GLG1: variants seen among roughly 807,000 people sequenced by gnomAD.
The protein encoded by GLG1 is Golgi apparatus protein 1.
In GLG1, 38 loss-of-function variants were observed where a neutral mutation model predicts 160.5. The observed-to-expected ratio is 0.24, with a 90% CI of 0.18 to 0.31. GLG1 has a LOEUF of 0.31. Among genes scored for constraint, GLG1 ranks in the 10% least tolerant of loss-of-function variants. The pLI is 1.00. For missense variants in GLG1, 1,373 were observed against 1,505.2 expected (o/e 0.91, Z 1.45); for synonymous variants, 644 against 543.4 (o/e 1.19, Z -2.57).
At chr16:74,501,783 C>T (rs2016412413) in intron 4 of GLG1, among the ~76,000 whole-genome samples, 1 of 152,200 alleles carries the variant, frequency 6.6e-6, no homozygotes, top group South Asian at 2.1e-4. Context: ...GTCAGAAGAG[C>T]TTCCTGAATC....
At chr16:74,536,540 G>A (rs2017692494) in intron 1 of GLG1, among the ~76,000 whole-genome samples, 1 of 152,138 alleles carries the variant, frequency 6.6e-6, no homozygotes, top group Admixed American at 6.5e-5. Context: ...AATCAAACAA[G>A]CAAGAGGAGG....
Position 74,451,907 on chromosome 16 carries a change from C to CT in GLG1, c.*1259dup, listed in dbSNP as rs1315753794. On this transcript the variant is annotated 3_prime_UTR_variant, in exon 26 of 26. Coordinates refer to ENST00000422840, the MANE Select transcript of GLG1 (RefSeq NM_001145667.2). ...CCAAAATACAACATTTAGCCAATGC[C>CT]TACTAGAGTGGGTACACGCAGCAAA... 1.6e-6 allele frequency: 1 copy of CT among 644,174 alleles called. No individual in the cohort carries two copies. Among genetic ancestry groups the CT allele is most frequent in the Admixed American group, 2.6e-5 (1 of 38,370 alleles). 39.9% of individuals were successfully genotyped at this position (644,174 alleles called of 1,614,324 possible).
chr16:74,504,774 A>C (rs2016536557), intron 3 of GLG1, among the ~76,000 whole-genome samples: 1 of 152,218 alleles, frequency 6.6e-6, no homozygotes, highest in African/African-American at 2.4e-5. Flanking sequence ...TGGATGGTTT[A>C]GACATATGAT....
intron 19 of GLG1, among the ~76,000 whole-genome samples, chr16:74,464,992 C>T (rs898976883): frequency 6.6e-6 from 1 of 152,166 alleles, no homozygotes; most frequent in Non-Finnish European, 1.5e-5. Context: ...GCATGTGCCA[C>T]CACACCCGGC....
chr16:74,455,736 A>G lies in GLG1; in HGVS notation c.3372+913T>C, dbSNP rs79823025. On this transcript the variant is annotated intron_variant, in intron 25 of 25. Transcript: ENST00000422840. ...GGCCACTGCAGATGTCTATCCCAAT[A>G]TGAGTCAATACAAAAGCATGGCTCT... Among the ~76,000 whole-genome samples, 457 of 152,332 alleles carry G rather than the reference A, an allele frequency of 3.0e-3. 2 individuals carry two copies. The highest frequency in any genetic ancestry group is 0.017 in the Middle Eastern group (5 of 294).
intron 1 of GLG1, among the ~76,000 whole-genome samples, chr16:74,585,194 G>T (rs139612669): frequency 2.9e-3 from 439 of 152,186 alleles, no homozygotes; most frequent in Non-Finnish European, 4.7e-3. Flanking sequence ...GATCACCTGA[G>T]CTCAGGAGTT....
At chr16:74,569,453 A>G (rs1406553042) in intron 1 of GLG1, among the ~76,000 whole-genome samples, 1 of 152,208 alleles carries the variant, frequency 6.6e-6, no homozygotes, top group Non-Finnish European at 1.5e-5. Context: ...ATCAACTGTC[A>G]TTCACAAACC....
chr16:74,591,755 T>C (rs1252583352), intron 1 of GLG1, among the ~76,000 whole-genome samples: 2 of 152,140 alleles, frequency 1.3e-5, no homozygotes, highest in African/African-American at 2.4e-5. Context: ...ACCTGGGAAA[T>C]ATGAGAGCAA....
At chr16:74,454,661 G>A (rs1464695434) in intron 25 of GLG1, among the ~76,000 whole-genome samples, 1 of 56,308 alleles carries the variant, frequency 1.8e-5, no homozygotes, top group African/African-American at 7.8e-5. Flanking sequence ...ACGAGAATCC[G>A]TCCCCAAAAA....
chr16:74,506,331 C>T (rs2016600857), intron 3 of GLG1, among the ~76,000 whole-genome samples: 1 of 151,558 alleles, frequency 6.6e-6, no homozygotes, highest in Admixed American at 6.6e-5. Flanking sequence ...GTAATCCCGG[C>T]ACTTTGGGAG....
chr16:74,598,817 G>T (rs547702632), intron 1 of GLG1, among the ~76,000 whole-genome samples: 3 of 151,814 alleles, frequency 2.0e-5, no homozygotes, highest in Admixed American at 6.6e-5. Flanking sequence ...CCGAGAGGTG[G>T]AGGTTGCAGT....
rs1209554393 is a variant in GLG1, at chr16:74,503,566, T to A, written c.739A>T (p.Ile247Phe). 6.2e-7 allele frequency: 1 copy of A among 1,613,490 alleles called. No homozygotes were observed. The highest frequency in any genetic ancestry group is 1.7e-5 in the Admixed American group (1 of 60,016). ...FMDDCKNDIN[I>F]LKCGSIRLGE... is the part of the protein sequence containing the mutation. ...AGCCGAATACTGCCACATTTCAGAA[T>A]GTTGATGTCATTTTTGCAGTCATCC... The change falls in exon 4 of 26, where the codon ATT becomes TTT. Residue 247 changes from isoleucine (I) to phenylalanine (F), a missense_variant. Ile to Phe is a conservative substitution (Grantham distance 21, BLOSUM62 0). Around this residue, in one of 4 missense-constraint regions of GLG1, gnomAD observed 174 missense variants for 229.9 expected, o/e 0.76. Coordinates refer to ENST00000422840, the MANE Select transcript of GLG1 (RefSeq NM_001145667.2).
intron 1 of GLG1, among the ~76,000 whole-genome samples, chr16:74,557,266 T>A (rs1317515096): frequency 6.6e-6 from 1 of 152,212 alleles, no homozygotes; most frequent in Non-Finnish European, 1.5e-5. Context: ...CTTTTGTAGA[T>A]CTTTATTTCC....
In GLG1 at chr16:74,493,139, C is replaced by T. The variant is rs1314024487; in HGVS notation, c.1052G>A (p.Cys351Tyr). Residue 351 changes from cysteine (C) to tyrosine (Y), a missense_variant and splice_region_variant, in exon 7 of 26, where the codon TGT becomes TAT. By Grantham distance (194) the Cys-to-Tyr change is radical. Around this residue, in one of 4 missense-constraint regions of GLG1, gnomAD observed 174 missense variants for 229.9 expected, o/e 0.76. Transcript: ENST00000422840. ...TTGGCGGGTTGTAAGTGCTTCTCGA[C>T]ACTGAGGAAAGAGTACAGCAACAGC... ...HKFEESMSEK[C>Y]REALTTRQKL... is the part of the protein sequence containing the mutation. 6.2e-7 allele frequency: 1 copy of T among 1,607,872 alleles called. No homozygotes were observed. Among genetic ancestry groups the T allele is most frequent in the Non-Finnish European group, 8.5e-7 (1 of 1,176,352 alleles).
At chr16:74,511,471 G>A (rs574262337) in intron 2 of GLG1, among the ~76,000 whole-genome samples, 18 of 151,924 alleles carry the variant, frequency 1.2e-4, no homozygotes, top group African/African-American at 4.8e-5. Flanking sequence ...GGCTAACATG[G>A]GGAAACCCGG....
intron 1 of GLG1, among the ~76,000 whole-genome samples, chr16:74,586,041 C>G (rs1437095800): frequency 7.7e-6 from 1 of 130,550 alleles, no homozygotes; most frequent in Non-Finnish European, 1.6e-5. Context: ...CTAGCCTGGA[C>G]AACAGAGCAA....
At chr16:74,462,720 G>A in intron 20 of GLG1, 90 bp from the exon 21 acceptor site, 1 of 1,162,118 alleles carries the variant, frequency 8.6e-7, no homozygotes. Context: ...AGCATATTAT[G>A]TCAATGATCA....
At chr16:74,571,855 A>C (rs773171652) in intron 1 of GLG1, among the ~76,000 whole-genome samples, 1 of 152,146 alleles carries the variant, frequency 6.6e-6, no homozygotes, top group Non-Finnish European at 1.5e-5. Flanking sequence ...AACAAAATGA[A>C]AGTAACTAAC....
intron 22 of GLG1, chr16:74,461,846 A>C (rs1004278618): frequency 1.1e-5 from 4 of 358,838 alleles, no homozygotes. Context: ...AAATTTACAG[A>C]GAGCTATAAT....
Sources: gnomAD v4.1 joint callset for allele counts (sites outside exome capture counted in the v4.1 genomes callset) on GRCh38, gnomAD v4.1.1 for gene constraint, gnomAD v4.1.1 regional missense constraint, MANE v1.5 for transcripts, NCBI Gene and HGNC (gene_info 2026-07-23, HGNC 2026-07-21) for gene names.